The following MAP4 variants were observed in gnomAD, a reference collection of about 807,000 sequenced individuals.
MAP4 encodes microtubule-associated protein 4.
MAP4 carries 76 observed loss-of-function variants against 170.2 expected under a neutral mutation model. The ratio of observed to expected loss-of-function variants is 0.45; its 90% CI spans 0.37 to 0.54. The LOEUF (loss-of-function observed/expected upper bound fraction) is 0.54. Ranked by LOEUF, MAP4 falls within the 20% of genes least tolerant of loss-of-function variation. The probability of loss-of-function intolerance (pLI) is 0.00; values close to 1 mark genes in which losing one functional copy is unlikely to be tolerated. For synonymous variants in MAP4, 909 were observed against 994.5 expected, an observed-to-expected ratio of 0.91 and a Z score of 1.62; for missense variants, 2,506 against 2,748.0, an observed-to-expected ratio of 0.91 and a Z score of 1.97.
intron 2 of MAP4, among the ~76,000 whole-genome samples, chr3:47,991,667 T>C (rs919572148): frequency 6.6e-6 from 1 of 151,962 alleles, no homozygotes; most frequent in East Asian, 1.9e-4. Context: ...AATCTGTCTT[T>C]TCTTTTTTTT....
At chr3:48,072,072 G>A (rs1014878924) in intron 1 of MAP4, among the ~76,000 whole-genome samples, 1 of 150,124 alleles carries the variant, frequency 6.7e-6, no homozygotes, top group Non-Finnish European at 1.5e-5. Context: ...GGTGACATGC[G>A]CCTATAATCC....
At chr3:48,031,054 GA>G (rs1279614825) in intron 1 of MAP4, among the ~76,000 whole-genome samples, 1 of 152,008 alleles carries the variant, frequency 6.6e-6, no homozygotes, top group Admixed American at 6.6e-5. Flanking sequence ...ATGAAAATGG[GA>G]GGGGGGGGTA....
At chr3:47,881,909 T>C (rs1288926598) in intron 10 of MAP4, among the ~76,000 whole-genome samples, 3 of 152,138 alleles carry the variant, frequency 2.0e-5, no homozygotes, top group Non-Finnish European at 4.4e-5. Context: ...CCTACTTGAG[T>C]CATTTTTTAA....
chr3:47,871,527 G>A (rs996603149), intron 13 of MAP4, among the ~76,000 whole-genome samples: 2 of 152,086 alleles, frequency 1.3e-5, no homozygotes, highest in African/African-American at 4.8e-5. Flanking sequence ...CATGCCTATG[G>A]ACTTGAATAG....
chr3:47,864,072 G>A (rs1254512114), intron 17 of MAP4, among the ~76,000 whole-genome samples: 1 of 151,654 alleles, frequency 6.6e-6, no homozygotes, highest in Non-Finnish European at 1.5e-5. Context: ...CAACTACCCA[G>A]GCTCAAGGAA....
At chr3:47,940,824 G>A (rs2100055823) in intron 3 of MAP4, among the ~76,000 whole-genome samples, 2 of 152,096 alleles carry the variant, frequency 1.3e-5, no homozygotes, top group Admixed American at 1.3e-4. Context: ...GTTCACCCCT[G>A]TAAACCACAG....
At chr3:47,983,740 A>G (rs1452237833) in intron 2 of MAP4, among the ~76,000 whole-genome samples, 2 of 151,922 alleles carry the variant, frequency 1.3e-5, no homozygotes, top group Non-Finnish European at 2.9e-5. Flanking sequence ...GCTGGTCTCA[A>G]ACTCCTGGGC....
intron 3 of MAP4, among the ~76,000 whole-genome samples, chr3:47,949,041 G>T (rs2100061938): frequency 6.6e-6 from 1 of 152,112 alleles, no homozygotes; most frequent in African/African-American, 2.4e-5. Context: ...CACTAATTTG[G>T]ATGAATCTAA....
intron 3 of MAP4, among the ~76,000 whole-genome samples, chr3:47,968,486 TAATC>T (rs2100076466): frequency 1.3e-5 from 2 of 152,230 alleles, no homozygotes; most frequent in Admixed American, 1.3e-4. Context: ...CACTCCTAAA[TAATC>T]AACACGTCAA....
intron 1 of MAP4, among the ~76,000 whole-genome samples, chr3:48,013,695 G>C (rs1323213579): frequency 6.9e-6 from 1 of 144,288 alleles, no homozygotes; most frequent in Non-Finnish European, 1.5e-5. Flanking sequence ...ATTTATAATT[G>C]GGTTGAGGTT....
Position 47,853,206 on chromosome 3 carries a change from G to A in MAP4, c.6843C>T (p.Asp2281=), listed in dbSNP as rs2149493508. The A allele has an allele frequency of 6.3e-7, 1 of 1,579,744 alleles. No homozygotes were observed. The highest frequency in any genetic ancestry group is 2.2e-5 in the East Asian group (1 of 44,508). The part of the protein sequence containing the change: ...NGHPTLSGGG[D]QREAQTLDSQ... The stretch of plus-strand genomic sequence containing the variant: ...TGTCCAAGGTCTGGGCCTCCCTTTG[G>A]TCACCACCCCCTGACAGGGTGGGGT... Residue 2281 remains aspartate, a synonymous_variant, in exon 20 of 21, where the codon GAC becomes GAT. Coordinates refer to ENST00000683076, the MANE Select transcript of MAP4 (RefSeq NM_001385682.1).
In MAP4 at chr3:47,877,517, G is replaced by A. The variant is rs2095745954; in HGVS notation, c.5441C>T (p.Ala1814Val). ...QQLGMSVYGI[A>V]RPEEGRPVVS... is the part of the protein sequence containing the mutation. ...CACAGGCCTTCCTTCTTCTGGCCTG[G>A]CTATTCCTAAGGGGAGAGGGTGAGT... is the stretch of plus-strand genomic sequence containing the variant. Residue 1814 changes from alanine (A) to valine (V), a missense_variant, in exon 11 of 21, where the codon GCC (alanine) becomes GTC (valine). By Grantham distance (64) the Ala-to-Val change is moderately conservative. Coordinates refer to ENST00000683076, the MANE Select transcript of MAP4 (RefSeq NM_001385682.1). 4 of 1,610,184 alleles carry A rather than the reference G, an allele frequency of 2.5e-6. No homozygotes were observed. Among genetic ancestry groups the A allele is most frequent in the African/African-American group, 1.3e-5 (1 of 74,746 alleles).
intron 1 of MAP4, among the ~76,000 whole-genome samples, chr3:48,052,385 TA>T (rs1215360755): frequency 3.9e-5 from 6 of 152,184 alleles, no homozygotes; most frequent in African/African-American, 1.4e-4. Context: ...CACACCCAGC[TA>T]ACTTTTTGTA....
At chr3:47,894,626 C>T (rs1341280704) in intron 10 of MAP4, among the ~76,000 whole-genome samples, 1 of 151,664 alleles carries the variant, frequency 6.6e-6, no homozygotes, top group East Asian at 1.9e-4. Flanking sequence ...AGATTGGGTA[C>T]AGAAAGGCCT....
chr3:47,875,558 C>G, intron 12 of MAP4, 127 bp downstream of exon 12: 1 of 883,476 alleles, frequency 1.1e-6, no homozygotes, highest in Non-Finnish European at 1.8e-6. Flanking sequence ...CACCCTCTCC[C>G]CCATTTCCCT....
rs1169062183 is a variant in MAP4 at position 47,947,683 on chromosome 3, C to T, written c.293-19333G>A. 4.6e-5 allele frequency among the ~76,000 whole-genome samples: 7 copies of T among 151,430 alleles called. No individual in the cohort carries two copies. The East Asian group carries it at 1.4e-3, about 30-fold the overall frequency. ...AAAGTTAGCCAGGCGTGGTGGTGGG[C>T]GCCTGTAGTCCCAGTTACTCGGGAG... On this transcript the variant is annotated intron_variant, in intron 3 of 20. Transcript: ENST00000683076.
Position 47,916,631 on chromosome 3 carries a change from G to A in MAP4, c.1196C>T (p.Pro399Leu). The A allele has an allele frequency of 1.2e-6, 2 of 1,614,156 alleles. No individual in the cohort carries two copies. Among genetic ancestry groups the A allele is most frequent in the Non-Finnish European group, 1.7e-6 (2 of 1,180,032 alleles). ...GGCTGGGACTATCTTGTTTTCTTTGGGTGGTCCCATGTCCTTGGAAGGAGC... is the reference window on the plus strand; with the variant it reads ...GGCTGGGACTATCTTGTTTTCTTTGAGTGGTCCCATGTCCTTGGAAGGAGC... ...DLAPSKDMGP[P>L]KENKIVPAKD... Residue 399 changes from proline to leucine, a missense_variant, in exon 7 of 21, where the codon CCC becomes CTC. Pro to Leu is a moderately conservative substitution (Grantham distance 98, BLOSUM62 -3). This residue lies in a region of MAP4 where 2,008 missense variants were observed against 2,206.0 expected (regional missense o/e 0.91). Coordinates refer to ENST00000683076, the MANE Select transcript of MAP4 (RefSeq NM_001385682.1).
chr3:47,894,514 C>T (rs538240144), intron 10 of MAP4, among the ~76,000 whole-genome samples: 7 of 151,856 alleles, frequency 4.6e-5, no homozygotes, highest in East Asian at 1.9e-4. Context: ...ACCCACGAGG[C>T]GGAGCTTGCA....
At chr3:48,025,936 T>TAAC (rs1553727343) in intron 1 of MAP4, among the ~76,000 whole-genome samples, 2 of 147,530 alleles carry the variant, frequency 1.4e-5, no homozygotes, top group African/African-American at 2.5e-5. Flanking sequence ...ATAATAATAA[T>TAAC]AACAATAATA....
Sources: gnomAD v4.1 joint callset for allele counts (sites outside exome capture counted in the v4.1 genomes callset) on GRCh38, gnomAD v4.1.1 for gene constraint, gnomAD v4.1.1 regional missense constraint, MANE v1.5 for transcripts, NCBI Gene and HGNC (gene_info 2026-07-23, HGNC 2026-07-21) for gene names.